Variants in BUB1B observed in about 807,000 individuals in gnomAD.
The protein encoded by BUB1B is BUB1 mitotic checkpoint serine/threonine kinase B.
Under a neutral mutation model 137.7 loss-of-function variants are expected in BUB1B, and 86 were observed. That is an observed-to-expected ratio of 0.62 (90% CI 0.52 to 0.75). The LOEUF (loss-of-function observed/expected upper bound fraction) is 0.75, where lower values mean the gene tolerates loss of function less well. Ranked by LOEUF, BUB1B falls within the 30% of genes least tolerant of loss-of-function variation. The pLI is 0.00. For synonymous variants in BUB1B, 420 were observed against 417.9 expected, an observed-to-expected ratio of 1.00 and a Z score of -0.06; for missense variants, 1,130 against 1,236.9, an observed-to-expected ratio of 0.91 and a Z score of 1.30.
rs2037589344 is a variant in BUB1B, at chr15:40,202,694, T to G, written c.1734T>G (p.Cys578Trp). 6.2e-7 allele frequency: 1 copy of G among 1,609,734 alleles called. No homozygotes were observed. The highest frequency in any genetic ancestry group is 8.5e-7 in the Non-Finnish European group (1 of 1,175,988). ...ATGAAGATGTGTCTCCAGATGTTTGTGTAAGGAGCAGTATCCTTAAGTTAA... is the reference window on the plus strand; with the variant it reads ...ATGAAGATGTGTCTCCAGATGTTTGGGTAAGGAGCAGTATCCTTAAGTTAA... ...TSNEDVSPDV[C>W]DEFTGIEPLS... The change falls in exon 14 of 23, where the codon TGT becomes TGG. Residue 578 changes from cysteine to tryptophan, a missense_variant and splice_region_variant. By Grantham distance (215) the Cys-to-Trp change is radical. Coordinates refer to ENST00000287598, the MANE Select transcript of BUB1B (RefSeq NM_001211.6).
intron 8 of BUB1B, among the ~76,000 whole-genome samples, chr15:40,195,893 T>G (rs1566823548): frequency 6.6e-6 from 1 of 152,256 alleles, no homozygotes; most frequent in East Asian, 1.9e-4. Flanking sequence ...CTTTGTCGGA[T>G]GCATAGATCG....
At chr15:40,181,576 G>T (rs952883929) in intron 5 of BUB1B, among the ~76,000 whole-genome samples, 1 of 151,936 alleles carries the variant, frequency 6.6e-6, no homozygotes, top group Admixed American at 6.6e-5. Flanking sequence ...CATTTCCCCC[G>T]ACTCTGCTAC....
At chr15:40,179,690 C>T (rs1273458498) in intron 5 of BUB1B, among the ~76,000 whole-genome samples, 1 of 151,796 alleles carries the variant, frequency 6.6e-6, no homozygotes, top group African/African-American at 2.4e-5. Flanking sequence ...TCTTTCCTAC[C>T]TTCTTTTGGA....
At chr15:40,183,646 A>C in intron 5 of BUB1B, 68 bp from the exon 6 acceptor site, 1 of 1,494,390 alleles carries the variant, frequency 6.7e-7, no homozygotes. Context: ...TACTTTAACA[A>C]ATTGGAAATT....
intron 4 of BUB1B, among the ~76,000 whole-genome samples, chr15:40,171,119 T>C (rs2037157106): frequency 6.6e-6 from 1 of 152,132 alleles, no homozygotes; most frequent in African/African-American, 2.4e-5. Context: ...TAATTTTTAA[T>C]AGAGATGACT....
chr15:40,186,430 C>CTTGTTTTTT (rs2037362214), intron 8 of BUB1B, among the ~76,000 whole-genome samples: 1 of 67,356 alleles, frequency 1.5e-5, no homozygotes, highest in African/African-American at 5.9e-5. Flanking sequence ...TTGCCTAGTT[C>CTTGTTTTTT]TTTTTTTTTT....
chr15:40,176,602 A>T lies in BUB1B; in HGVS notation c.510A>T (p.Lys170Asn). The change falls in exon 5 of 23, where the codon AAA becomes AAT. Residue 170 changes from lysine to asparagine, a missense_variant. Physicochemically the swap from Lys to Asn is moderately conservative, Grantham distance 94. Coordinates refer to ENST00000287598, the MANE Select transcript of BUB1B (RefSeq NM_001211.6). ...EEYEARENFR[K>N]ADAIFQEGIQ... ...ATGAAGCTAGAGAAAACTTTAGGAA[A>T]GCAGATGCGATATTTCAGGAAGGGA... 2 of 1,614,154 alleles carry T rather than the reference A, an allele frequency of 1.2e-6. No homozygotes were observed. The highest frequency in any genetic ancestry group is 8.5e-7 in the Non-Finnish European group (1 of 1,180,012).
intron 1 of BUB1B, among the ~76,000 whole-genome samples, chr15:40,162,837 CAG>C (rs907166511): frequency 2.0e-5 from 3 of 151,894 alleles, no homozygotes; most frequent in Non-Finnish European, 2.9e-5. Context: ...ATTCAACAAA[CAG>C]GGCATAATAG....
intron 4 of BUB1B, 59 bp from the exon 5 acceptor site, chr15:40,176,418 A>G: frequency 1.4e-6 from 2 of 1,459,928 alleles, no homozygotes; most frequent in Non-Finnish European, 1.9e-6. Context: ...TTGTTTGGCA[A>G]CTAATAGGCA....
rs1330342023 is a variant in BUB1B, at chr15:40,161,097, G to C, written c.-124G>C. ...GGCTTGAGGTGGCCGGTTTGTTAGG[G>C]AGTCGTGTACGTGCCTTGGTCGCTT... On this transcript the variant is annotated 5_prime_UTR_variant, in exon 1 of 23. Transcript: ENST00000287598. 1.1e-5 allele frequency: 14 copies of C among 1,298,824 alleles called. No individual in the cohort carries two copies. Among genetic ancestry groups the C allele is most frequent in the Non-Finnish European group, 1.5e-5 (14 of 939,542 alleles). The allele number at this position is 1,298,824 out of a possible 1,614,324, so 80.5% of individuals were successfully genotyped here. A position where few individuals can be genotyped will look rare whatever the true frequency, so the allele number is the denominator to read the frequency against.
In BUB1B at chr15:40,170,088, A is replaced by G. The variant is rs2037144381; in HGVS notation, c.206A>G (p.Tyr69Cys). 1 of 1,613,992 alleles carries G rather than the reference A, an allele frequency of 6.2e-7. No homozygotes were observed. The highest frequency in any genetic ancestry group is 8.5e-7 in the Non-Finnish European group (1 of 1,179,856). The change falls in exon 3 of 23, where the codon TAC (tyrosine) becomes TGC (cysteine). Residue 69 changes from tyrosine to cysteine, a missense_variant. By Grantham distance (194) the Tyr-to-Cys change is radical. Transcript: ENST00000287598. ...KRAFEYEIRF[Y>C]TGNDPLDVWD... The stretch of plus-strand genomic sequence containing the variant: ...GCATTTGAATATGAAATTCGATTTT[A>G]CACTGGAAATGACCCTCTGGATGTT...
At chr15:40,176,777 TTTAC>T in intron 5 of BUB1B, 104 bp downstream of exon 5, 1 of 1,201,976 alleles carries the variant, frequency 8.3e-7, no homozygotes, top group Non-Finnish European at 1.2e-6. Context: ...GCATGTTAAG[TTTAC>T]TTAGTTACTA....
At chr15:40,180,951 T>C (rs1294426776) in intron 5 of BUB1B, among the ~76,000 whole-genome samples, 2 of 151,628 alleles carry the variant, frequency 1.3e-5, no homozygotes, top group East Asian at 3.9e-4. Context: ...CCCGGCCCTC[T>C]CTGGTTTCTA....
intron 5 of BUB1B, among the ~76,000 whole-genome samples, chr15:40,178,637 T>G (rs1294043323): frequency 6.6e-6 from 1 of 152,142 alleles, no homozygotes; most frequent in Non-Finnish European, 1.5e-5. Flanking sequence ...CTACTTGTTA[T>G]ATCAATTACT....
rs1441289041 is a variant in BUB1B, at chr15:40,210,295, TTC to T, written c.2385+87_2385+88del. 5 of 1,048,876 alleles carry T rather than the reference TTC, an allele frequency of 4.8e-6. No homozygotes were observed. In the African/African-American group the frequency reaches 7.9e-5, roughly 17 times the overall value. 65.0% of individuals were successfully genotyped at this position (1,048,876 alleles called of 1,614,324 possible). A position where few individuals can be genotyped will look rare whatever the true frequency, so the allele number is the denominator to read the frequency against. On this transcript the variant is annotated intron_variant, in intron 18 of 22. Coordinates refer to ENST00000287598, the MANE Select transcript of BUB1B (RefSeq NM_001211.6). ...CTGTCCTCATGTTACCATCAAATCT[TTC>T]TAATAATCTCTTTCAATATGTCCAA...
intron 4 of BUB1B, among the ~76,000 whole-genome samples, chr15:40,172,631 G>A (rs1595512184): frequency 6.6e-6 from 1 of 152,062 alleles, no homozygotes; most frequent in East Asian, 1.9e-4. Context: ...TCGTCTTGCT[G>A]TCTCACGGGT....
At chr15:40,184,382 G>A (rs1330998176) in intron 6 of BUB1B, among the ~76,000 whole-genome samples, 2 of 151,280 alleles carry the variant, frequency 1.3e-5, no homozygotes, top group East Asian at 1.9e-4. Context: ...ATAGCTCACC[G>A]CAGCTTCAAA....
chr15:40,181,994 A>G (rs2037300050), intron 5 of BUB1B, among the ~76,000 whole-genome samples: 1 of 152,248 alleles, frequency 6.6e-6, no homozygotes, highest in Admixed American at 6.5e-5. Flanking sequence ...ACTTGAGGTC[A>G]GCAGTTTGAG....
rs779803347 is a variant in BUB1B, at chr15:40,185,413, C to T, written c.966+34C>T. The T allele has an allele frequency of 1.9e-6, 3 of 1,608,174 alleles. No homozygotes were observed. The African/African-American group carries it at 4.0e-5, about 22-fold the overall frequency. On this transcript the variant is annotated intron_variant, in intron 7 of 22. Transcript: ENST00000287598. ...TCTTAGATCCAGTGCTTTGCTGACA[C>T]AACAAAGACTTCACATTTAGGGTAG...
Sources: gnomAD v4.1 joint callset for allele counts (sites outside exome capture counted in the v4.1 genomes callset) on GRCh38, gnomAD v4.1.1 for gene constraint, MANE v1.5 for transcripts, NCBI Gene and HGNC (gene_info 2026-07-23, HGNC 2026-07-21) for gene names.